Variants in FBLIM1 observed in about 807,000 individuals in gnomAD.
FBLIM1 encodes the protein filamin binding LIM protein 1.
In FBLIM1, 29 loss-of-function variants were observed where a neutral mutation model predicts 37.4. The ratio of observed to expected loss-of-function variants is 0.77; its 90% CI spans 0.58 to 1.06. The LOEUF (loss-of-function observed/expected upper bound fraction) is 1.06. Ranked by LOEUF, FBLIM1 falls within the 50% of genes least tolerant of loss-of-function variation. The probability of loss-of-function intolerance (pLI) is 0.00; values close to 1 mark genes in which losing one functional copy is unlikely to be tolerated. For synonymous variants in FBLIM1, 193 were observed against 199.0 expected, an observed-to-expected ratio of 0.97 and a Z score of 0.25; for missense variants, 449 against 505.6, an observed-to-expected ratio of 0.89 and a Z score of 1.07.
Position 15,767,573 on chromosome 1 carries a change from G to A in FBLIM1, c.438+10G>A, listed in dbSNP as rs1237266483. 21 of 999,734 alleles carry A rather than the reference G, an allele frequency of 2.1e-5. No homozygotes were observed. Among genetic ancestry groups the A allele is most frequent in the Non-Finnish European group, 3.0e-5 (21 of 709,086 alleles). The allele number at this position is 999,734 out of a possible 1,614,324, so 61.9% of individuals were successfully genotyped here. Reference sequence around the variant, plus strand: ...CCCGCCCCCACCACAGGTACTGCCTGCCCCCCGACCCCCAGCAATCCCTTG... The same window carrying A: ...CCCGCCCCCACCACAGGTACTGCCTACCCCCCGACCCCCAGCAATCCCTTG... On this transcript the variant is annotated intron_variant, in intron 4 of 8. Coordinates refer to ENST00000375766, the MANE Select transcript of FBLIM1 (RefSeq NM_017556.4).
intron 6 of FBLIM1, among the ~76,000 whole-genome samples, chr1:15,772,370 C>T (rs754527422): frequency 1.3e-5 from 2 of 151,978 alleles, no homozygotes. Context: ...GGTGAGACAC[C>T]AGGGGAGGAG....
At chr1:15,780,477 G>C (rs866507683) in intron 8 of FBLIM1, among the ~76,000 whole-genome samples, 1 of 152,238 alleles carries the variant, frequency 6.6e-6, no homozygotes, top group Non-Finnish European at 1.5e-5. Context: ...TGGGTGGCGT[G>C]AGCCACCACA....
intron 8 of FBLIM1, among the ~76,000 whole-genome samples, chr1:15,781,254 A>AG (rs961227454): frequency 5.3e-5 from 8 of 152,006 alleles, no homozygotes; most frequent in African/African-American, 1.9e-4. Context: ...GCTACTCGGG[A>AG]GGGTGAGTCA....
Position 15,765,154 on chromosome 1 carries a change from G to T in FBLIM1, c.171G>T (p.Ala57=), listed in dbSNP as rs767469745. ...APMKTPEAGL[A]GRPSPWTTPG... ...TGAAGACACCCGAGGCTGGCTTGGCGGGGAGGCCCAGCCCCTGGACAACCC... is the reference window on the plus strand; with the variant it reads ...TGAAGACACCCGAGGCTGGCTTGGCTGGGAGGCCCAGCCCCTGGACAACCC... The change falls in exon 3 of 9, where the codon GCG becomes GCT. Residue 57 remains alanine, a synonymous_variant. Transcript: ENST00000375766. The surrounding 1 kb of genome is among the most constrained non-coding windows in gnomAD (Gnocchi z 5.9). The T allele has an allele frequency of 1.2e-5, 20 of 1,613,624 alleles. No individual in the cohort carries two copies. Among genetic ancestry groups the T allele is most frequent in the Non-Finnish European group, 1.7e-5 (20 of 1,179,892 alleles).
chr1:15,772,516 A>G (rs2069268472), intron 6 of FBLIM1, among the ~76,000 whole-genome samples: 1 of 152,132 alleles, frequency 6.6e-6, no homozygotes, highest in African/African-American at 2.4e-5. Flanking sequence ...TCAAGGTAAA[A>G]TGCACAGGAG....
Position 15,764,946 on chromosome 1 carries a change from AC to A in FBLIM1, c.-20-14del, listed in dbSNP as rs34824621. 18 of 1,589,158 alleles carry A rather than the reference AC, an allele frequency of 1.1e-5. No homozygotes were observed. The highest frequency in any genetic ancestry group is 3.7e-4 in the Middle Eastern group (2 of 5,342). On this transcript the variant is annotated splice_polypyrimidine_tract_variant and intron_variant, in intron 2 of 8. Transcript: ENST00000375766. ...TGTCTGGGTGGCAATCCTGTGCTGT[AC>A]CCCACTCTGTCCCTAGCCACACCAG...
chr1:15,783,044 T>G (rs903232543), intron 8 of FBLIM1, among the ~76,000 whole-genome samples: 4 of 152,144 alleles, frequency 2.6e-5, no homozygotes, highest in African/African-American at 9.6e-5. Context: ...TCCGCCCGCC[T>G]CAGCCTCCCA....
intron 8 of FBLIM1, among the ~76,000 whole-genome samples, chr1:15,781,310 A>T (rs1421981490): frequency 6.6e-6 from 1 of 151,956 alleles, no homozygotes; most frequent in African/African-American, 2.4e-5. Context: ...GTGAGCCGAG[A>T]TTGCACCACT....
chr1:15,778,296 G>A (rs537763074), intron 8 of FBLIM1, among the ~76,000 whole-genome samples: 2 of 152,302 alleles, frequency 1.3e-5, no homozygotes, highest in South Asian at 2.1e-4. Context: ...CTGGTGCAGT[G>A]CCTCACACCT....
At chr1:15,780,267 C>G (rs879404766) in intron 8 of FBLIM1, among the ~76,000 whole-genome samples, 1 of 151,946 alleles carries the variant, frequency 6.6e-6, no homozygotes, top group Non-Finnish European at 1.5e-5. Flanking sequence ...GGCGCTATCT[C>G]GGCTCACTGC....
intron 1 of FBLIM1, among the ~76,000 whole-genome samples, chr1:15,760,531 G>GAAA (rs34356141): frequency 8.4e-4 from 82 of 97,628 alleles, no homozygotes; most frequent in African/African-American, 2.9e-3. Context: ...TTCTGTCTCA[G>GAAA]AAAAAAAAAA....
intron 1 of FBLIM1, among the ~76,000 whole-genome samples, chr1:15,759,141 G>T (rs1372641852): frequency 6.6e-6 from 1 of 152,146 alleles, no homozygotes; most frequent in East Asian, 1.9e-4. Flanking sequence ...GACCCGGCGC[G>T]CAGGGCGGAA....
Position 15,765,170 on chromosome 1 carries a change from T to G in FBLIM1, c.187T>G (p.Trp63Gly). 6.2e-7 allele frequency: 1 copy of G among 1,613,682 alleles called. No individual in the cohort carries two copies. The change falls in exon 3 of 9, where the codon TGG becomes GGG. Residue 63 changes from tryptophan to glycine, a missense_variant. Physicochemically the swap from Trp to Gly is radical, Grantham distance 184. Coordinates refer to ENST00000375766, the MANE Select transcript of FBLIM1 (RefSeq NM_017556.4). The surrounding 1 kb of genome is among the most constrained non-coding windows in gnomAD (Gnocchi z 5.9). Reference protein sequence around the residue: ...EAGLAGRPSPWTTPGRAAATV... With the variant: ...EAGLAGRPSPGTTPGRAAATV... The stretch of plus-strand genomic sequence containing the variant: ...TGGCTTGGCGGGGAGGCCCAGCCCC[T>G]GGACAACCCCTGGCAGAGCTGCAGC...
chr1:15,767,986 C>T lies in FBLIM1; in HGVS notation c.438+423C>T, dbSNP rs192553647. Among the ~76,000 whole-genome samples the T allele has an allele frequency of 3.3e-3, 496 of 152,248 alleles. 2 individuals are homozygous for T. The highest frequency in any genetic ancestry group is 5.8e-3 in the Non-Finnish European group (397 of 68,016). On this transcript the variant is annotated intron_variant, in intron 4 of 8. Transcript: ENST00000375766. ...GTAGCCTCCACCTCCCAGGTTCAAG[C>T]GATTCTCCTGCCATAGTCTCCTGAG... is the stretch of plus-strand genomic sequence containing the variant.
At chr1:15,766,483 G>A (rs1292436769) in intron 3 of FBLIM1, among the ~76,000 whole-genome samples, 3 of 152,026 alleles carry the variant, frequency 2.0e-5, no homozygotes, top group Admixed American at 2.0e-4. Context: ...TTTTAGTAGA[G>A]ACAGGGTTTC....
rs1266848583 is a variant in FBLIM1 at position 15,784,653 on chromosome 1, T to C, written c.1114T>C (p.Cys372Arg). 6.2e-7 allele frequency: 1 copy of C among 1,613,778 alleles called. No individual in the cohort carries two copies. The highest frequency in any genetic ancestry group is 8.5e-7 in the Non-Finnish European group (1 of 1,179,788). Residue 372 changes from cysteine to arginine, a missense_variant, in exon 9 of 9, where the codon TGC (cysteine) becomes CGC (arginine). Transcript: ENST00000375766. ...PCHVKRSAAGCC is the reference protein window; with the variant it reads ...PCHVKRSAAGRC ...CCATGTGAAGCGGAGTGCTGCGGGG[T>C]GCTGCTGAGAGTGCCCGCTGGGCAG...
At chr1:15,767,260 C>G in intron 3 of FBLIM1, 116 bp from the exon 4 acceptor site, 1 of 869,680 alleles carries the variant, frequency 1.1e-6, no homozygotes, top group Non-Finnish European at 1.7e-6. Context: ...GAACCCAGGC[C>G]GGGGTGATCC....
Position 15,785,703 on chromosome 1 carries a change from T to C in FBLIM1, c.*1042T>C, listed in dbSNP as rs1010169423. The C allele has an allele frequency of 3.3e-5, 5 of 152,136 alleles. No homozygotes were observed. Among genetic ancestry groups the C allele is most frequent in the Admixed American group, 1.3e-4 (2 of 15,258 alleles). The allele number at this position is 152,136 out of a possible 1,614,324, so 9.4% of individuals were successfully genotyped here. The stretch of plus-strand genomic sequence containing the variant: ...GGGAACCAACATTCTTTGGATTTAG[T>C]GGGGAGCATAATAGCAAACACCCCC... On this transcript the variant is annotated 3_prime_UTR_variant, in exon 9 of 9. Coordinates refer to ENST00000375766, the MANE Select transcript of FBLIM1 (RefSeq NM_017556.4).
rs1420212562 is a variant in FBLIM1 at position 15,765,166 on chromosome 1, C to T, written c.183C>T (p.Ser61=). 1 of 1,613,664 alleles carries T rather than the reference C, an allele frequency of 6.2e-7. No homozygotes were observed. Among genetic ancestry groups the T allele is most frequent in the Non-Finnish European group, 8.5e-7 (1 of 1,179,942 alleles). The change falls in exon 3 of 9, where the codon AGC becomes AGT. Residue 61 remains serine, a synonymous_variant. Transcript: ENST00000375766. This position sits in a 1 kb window ranked among gnomAD's most constrained non-coding sequence, Gnocchi z 5.9. ...TPEAGLAGRP[S]PWTTPGRAAA... ...AGGCTGGCTTGGCGGGGAGGCCCAG[C>T]CCCTGGACAACCCCTGGCAGAGCTG...
Sources: gnomAD v4.1 joint callset for allele counts (sites outside exome capture counted in the v4.1 genomes callset) on GRCh38, gnomAD v4.1.1 for gene constraint, Gnocchi (gnomAD v3.1) non-coding constraint, MANE v1.5 for transcripts, NCBI Gene and HGNC (gene_info 2026-07-23, HGNC 2026-07-21) for gene names.